CDH4: variants seen among roughly 807,000 people sequenced by gnomAD.
CDH4 encodes the protein cadherin 4.
Under a neutral mutation model 86.0 loss-of-function variants are expected in CDH4, and 33 were observed. The ratio of observed to expected loss-of-function variants is 0.38; its 90% confidence interval spans 0.29 to 0.51. The LOEUF is 0.51. Ranked by LOEUF, CDH4 falls within the 20% of genes least tolerant of loss-of-function variation. The pLI is 0.86. For missense variants in CDH4, 1,114 were observed against 1,307.4 expected (o/e 0.85, Z 2.28); for synonymous variants, 555 against 549.4 (o/e 1.01, Z -0.14).
At chr20:61,280,376 C>T (rs1414624584) in intron 2 of CDH4, among the ~76,000 whole-genome samples, 2 of 152,206 alleles carry the variant, frequency 1.3e-5, no homozygotes, top group East Asian at 1.9e-4. Context: ...CCCTCTCTGG[C>T]GCCTCCCAAG....
chr20:61,302,998 C>G (rs1416922832), intron 2 of CDH4, among the ~76,000 whole-genome samples: 1 of 152,176 alleles, frequency 6.6e-6, no homozygotes, highest in Non-Finnish European at 1.5e-5. Context: ...GGATTCTCTC[C>G]TGGGGCCTCC....
At chr20:61,915,130 C>A (rs2054890600) in intron 9 of CDH4, among the ~76,000 whole-genome samples, 1 of 152,294 alleles carries the variant, frequency 6.6e-6, no homozygotes, top group East Asian at 1.9e-4. Flanking sequence ...AACTGGGAGC[C>A]CACACACAGG....
intron 2 of CDH4, among the ~76,000 whole-genome samples, chr20:61,258,252 A>C (rs911984309): frequency 2.8e-4 from 37 of 132,800 alleles, no homozygotes; most frequent in African/African-American, 9.5e-4. Flanking sequence ...ATGGCATGAA[A>C]CCAGGAGGCG....
At chr20:61,840,414 A>G (rs938559484) in intron 4 of CDH4, among the ~76,000 whole-genome samples, 4 of 152,218 alleles carry the variant, frequency 2.6e-5, no homozygotes, top group Non-Finnish European at 5.9e-5. Context: ...AAACCTGGCA[A>G]ATCCTCCTGG....
At chr20:61,799,398 GA>G (rs1476923114) in intron 4 of CDH4, among the ~76,000 whole-genome samples, 1 of 152,234 alleles carries the variant, frequency 6.6e-6, no homozygotes, top group African/African-American at 2.4e-5. Flanking sequence ...AGCAAGCTAT[GA>G]ATGTTTTGAG....
chr20:61,936,679 T>A lies in CDH4; in HGVS notation c.2545-58T>A, dbSNP rs4925323. The A allele has an allele frequency of 4.3e-6, 6 of 1,391,334 alleles. No individual in the cohort carries two copies. In the African/African-American group the frequency reaches 8.9e-5, roughly 21 times the overall value. 86.2% of individuals were successfully genotyped at this position (1,391,334 alleles called of 1,614,324 possible). Reference sequence around the variant, plus strand: ...TCTGGGCCTCGCTTTCCGTTCCATCTGATCCCGGGGCTGAGACAACGCGTC... The same window carrying A: ...TCTGGGCCTCGCTTTCCGTTCCATCAGATCCCGGGGCTGAGACAACGCGTC... On this transcript the variant is annotated intron_variant, in intron 15 of 15. Transcript: ENST00000614565.
chr20:61,525,725 C>T (rs938516942), intron 2 of CDH4, among the ~76,000 whole-genome samples: 11 of 152,190 alleles, frequency 7.2e-5, no homozygotes, highest in Admixed American at 6.5e-4. Flanking sequence ...ACTCAGAACT[C>T]CCAGGGATTC....
intron 2 of CDH4, among the ~76,000 whole-genome samples, chr20:61,735,599 C>T (rs6121793): frequency 2.0e-5 from 3 of 152,014 alleles, no homozygotes; most frequent in Non-Finnish European, 2.9e-5. Context: ...CCAGCGCCTT[C>T]GGGGCCACTG....
intron 2 of CDH4, among the ~76,000 whole-genome samples, chr20:61,263,462 T>TG (rs1258868698): frequency 2.0e-5 from 3 of 152,212 alleles, no homozygotes; most frequent in Middle Eastern, 3.4e-3. Context: ...AGCTGTTGTT[T>TG]GGGGGGACTT....
intron 2 of CDH4, among the ~76,000 whole-genome samples, chr20:61,614,578 G>T (rs1346485499): frequency 6.6e-6 from 1 of 152,138 alleles, no homozygotes; most frequent in Non-Finnish European, 1.5e-5. Context: ...TATCTGTGGA[G>T]TCTGCGCTGA....
intron 2 of CDH4, among the ~76,000 whole-genome samples, chr20:61,642,537 C>A (rs780381356): frequency 6.6e-6 from 1 of 152,214 alleles, no homozygotes; most frequent in Non-Finnish European, 1.5e-5. Flanking sequence ...ACTTGGAGCA[C>A]AACAGGATCT....
intron 2 of CDH4, among the ~76,000 whole-genome samples, chr20:61,450,976 C>T (rs781062990): frequency 1.3e-5 from 2 of 151,918 alleles, no homozygotes; most frequent in African/African-American, 4.8e-5. Flanking sequence ...AGCCATGATG[C>T]ATCTGACACA....
At position 61,466,335 on chromosome 20, in the gene CDH4, G is replaced by A. The variant is rs146811830; in HGVS notation, c.169+211398G>A. ...AGATAGGCGGCTTTGCTGCAGTCCT[G>A]TTAGAGAATGTTTTCTCTTAACATG... On this transcript the variant is annotated intron_variant, in intron 2 of 15. Transcript: ENST00000614565. 2.6e-4 allele frequency among the ~76,000 whole-genome samples: 39 copies of A among 152,326 alleles called. No homozygotes were observed. The East Asian group carries it at 6.6e-3, about 26-fold the overall frequency.
At chr20:61,597,469 C>T (rs915017052) in intron 2 of CDH4, among the ~76,000 whole-genome samples, 1 of 152,250 alleles carries the variant, frequency 6.6e-6, no homozygotes, top group Non-Finnish European at 1.5e-5. Context: ...TCCACCTTCC[C>T]CAGTACAGAT....
intron 2 of CDH4, among the ~76,000 whole-genome samples, chr20:61,601,754 T>C (rs2427169): frequency 0.76 from 115,563 of 152,136 alleles, 43,962 homozygotes; most frequent in Admixed American, 0.79. Context: ...GCAGAGGAGA[T>C]GGATGCATTC....
chr20:61,290,481 A>G (rs1352393231), intron 2 of CDH4, among the ~76,000 whole-genome samples: 1 of 150,674 alleles, frequency 6.6e-6, no homozygotes, highest in Non-Finnish European at 1.5e-5. Context: ...ATCCAATGAG[A>G]CTTGCTGGAT....
At chr20:61,670,019 A>G (rs1254995750) in intron 2 of CDH4, among the ~76,000 whole-genome samples, 1 of 152,156 alleles carries the variant, frequency 6.6e-6, no homozygotes, top group Non-Finnish European at 1.5e-5. Flanking sequence ...GCAGGAGCTG[A>G]TCTAATGAGT....
chr20:61,772,899 C>T, intron 3 of CDH4, 104 bp from the exon 4 acceptor site: 3 of 952,406 alleles, frequency 3.1e-6, no homozygotes, highest in Non-Finnish European at 4.5e-6. Flanking sequence ...ACCCGCCTTC[C>T]CTCTCAGTCT....
At position 61,858,173 on chromosome 20, in the gene CDH4, CTGTG is replaced by C. The variant is rs1555849335; in HGVS notation, c.877+5281_877+5284del. 8.4e-3 allele frequency among the ~76,000 whole-genome samples: 796 copies of C among 95,168 alleles called. 32 individuals are homozygous for C. The highest frequency in any genetic ancestry group is 0.063 in the Admixed American group (599 of 9,580). 62.4% of individuals were successfully genotyped at this position (95,168 alleles called of 152,430 possible). On this transcript the variant is annotated intron_variant, in intron 6 of 15. Transcript: ENST00000614565. Reference sequence around the variant, plus strand: ...TCTGTGTCTGTGTGTCTCTGTGTGTCTGTGTGTGTCTCTGTGTGTGTCTCTGTGT... The same window carrying C: ...TCTGTGTCTGTGTGTCTCTGTGTGTCTGTGTCTCTGTGTGTGTCTCTGTGT...
Sources: allele counts gnomAD v4.1 joint callset (sites outside exome capture counted in the v4.1 genomes callset), GRCh38; gene constraint gnomAD v4.1.1; transcripts MANE v1.5; gene names NCBI Gene and HGNC (gene_info 2026-07-23, HGNC 2026-07-21).